The following FN1 variants were observed in gnomAD, a reference collection of about 807,000 sequenced individuals.
The protein encoded by FN1 is fibronectin 1.
FN1 carries 106 observed loss-of-function variants against 297.3 expected under a neutral mutation model. The ratio of observed to expected loss-of-function variants is 0.36; its 90% CI spans 0.30 to 0.42. FN1 has a LOEUF of 0.42. Among genes scored for constraint, FN1 ranks in the 10% least tolerant of loss-of-function variants. FN1 has a pLI of 1.00. For synonymous variants in FN1, 1,149 were observed against 1,152.6 expected, an observed-to-expected ratio of 1.00 and a Z score of 0.06; for missense variants, 2,690 against 3,124.9, an observed-to-expected ratio of 0.86 and a Z score of 3.32.
chr2:215,410,758 C>T (rs945965567), intron 13 of FN1, among the ~76,000 whole-genome samples: 38 of 152,278 alleles, frequency 2.5e-4, no homozygotes, highest in Middle Eastern at 3.4e-3. Context: ...CCACCCGCCT[C>T]GGACTCCCAA....
intron 19 of FN1, 124 bp from the exon 20 acceptor site, chr2:215,404,779 A>C: frequency 1.1e-6 from 1 of 925,860 alleles, no homozygotes; most frequent in Non-Finnish European, 1.7e-6. Context: ...TGAAAGTCAA[A>C]ACCCTGGAAA....
Position 215,397,734 on chromosome 2 carries a change from C to G in FN1, c.3463G>C (p.Val1155Leu). Residue 1155 changes from valine (V) to leucine (L), a missense_variant, in exon 22 of 46, where the codon GTC becomes CTC. Around this residue, in one of 3 missense-constraint regions of FN1, gnomAD observed 1,743 missense variants for 1,945.2 expected, o/e 0.90. Coordinates refer to ENST00000354785, the MANE Select transcript of FN1 (RefSeq NM_212482.4). ...PGVEYVYTIQ[V>L]LRDGQERDAP... ...TCTCTTTCCTGTCCATCTCTCAGGA[C>G]TTGGATGGTGTAGACGTATTCTACT... is the stretch of plus-strand genomic sequence containing the variant. 2 of 1,614,002 alleles carry G rather than the reference C, an allele frequency of 1.2e-6. No individual in the cohort carries two copies. The highest frequency in any genetic ancestry group is 1.1e-5 in the South Asian group (1 of 91,080).
intron 5 of FN1, among the ~76,000 whole-genome samples, chr2:215,429,561 ATTAC>A (rs1185198665): frequency 5.3e-5 from 8 of 152,188 alleles, no homozygotes; most frequent in African/African-American, 1.9e-4. Flanking sequence ...TGAAGGTATA[ATTAC>A]TGATTAGAGC....
chr2:215,408,496 G>A (rs866296681), intron 15 of FN1, 70 bp from the exon 16 acceptor site: 2 of 1,470,724 alleles, frequency 1.4e-6, no homozygotes, highest in Middle Eastern at 3.5e-4. Context: ...CAGCTTATAA[G>A]AAGGATATTT....
chr2:215,384,251 G>C, intron 29 of FN1, 67 bp from the exon 30 acceptor site: 1 of 1,423,058 alleles, frequency 7.0e-7, no homozygotes, highest in South Asian at 1.1e-5. Context: ...CTGATTAATT[G>C]AATTACCACA....
At chr2:215,409,170 A>C (rs964401170) in intron 15 of FN1, among the ~76,000 whole-genome samples, 1 of 152,146 alleles carries the variant, frequency 6.6e-6, no homozygotes, top group South Asian at 2.1e-4. Flanking sequence ...GATGGCACAC[A>C]CTTCAGTGCG....
At position 215,406,344 on chromosome 2, in the gene FN1, G is replaced by T. The variant is rs2061772251; in HGVS notation, c.2880C>A (p.Thr960=). The T allele has an allele frequency of 6.2e-7, 1 of 1,614,110 alleles. No homozygotes were observed. Among genetic ancestry groups the T allele is most frequent in the Admixed American group, 1.7e-5 (1 of 60,004 alleles). Residue 960 remains threonine, a synonymous_variant, in exon 19 of 46, where the codon ACC becomes ACA. Coordinates refer to ENST00000354785, the MANE Select transcript of FN1 (RefSeq NM_212482.4). The part of the protein sequence containing the change: ...HGQRLPISRN[T]FAEVTGLSPG... ...GGGACAGCCCGGTGACTTCTGCAAAGGTGTTCCTGCTGATGGGCAGCCTCT... is the reference window on the plus strand; with the variant it reads ...GGGACAGCCCGGTGACTTCTGCAAATGTGTTCCTGCTGATGGGCAGCCTCT...
In FN1 at chr2:215,393,158, G is replaced by C. The variant is rs752507546; in HGVS notation, c.3842C>G (p.Ser1281Ter). 13 of 1,613,858 alleles carry C rather than the reference G, an allele frequency of 8.1e-6. No homozygotes were observed. Among genetic ancestry groups the C allele is most frequent in the Non-Finnish European group, 1.1e-5 (13 of 1,179,996 alleles). ...CGGGGTCCACCTCAGGCCGATGCTT[G>C]AATCGGTTATATCAACAAAGCTTAG... ...TDLSFVDITD[S>*]SIGLRWTPLN... is the part of the protein sequence containing the mutation. The change falls in exon 25 of 46, where the codon TCA (serine) becomes TGA (stop). Residue 1281 changes from serine to a stop codon, truncating the protein, a stop_gained. Coordinates refer to ENST00000354785, the MANE Select transcript of FN1 (RefSeq NM_212482.4). LOFTEE classifies it high-confidence loss of function.
intron 27 of FN1, 121 bp downstream of exon 27, chr2:215,388,091 C>T: frequency 2.6e-6 from 2 of 759,434 alleles, no homozygotes; most frequent in Admixed American, 2.0e-5. Flanking sequence ...ACTGTGATGA[C>T]AAAGGTACAC....
At chr2:215,410,221 C>T (rs2062402706) in intron 13 of FN1, 107 bp from the exon 14 acceptor site, 2 of 1,115,004 alleles carry the variant, frequency 1.8e-6, no homozygotes, top group Non-Finnish European at 2.7e-6. Flanking sequence ...TTAAGCAGGA[C>T]TTAGGCAGCT....
rs762875275 is a variant in FN1, at chr2:215,384,022, G to A, written c.4892C>T (p.Thr1631Ile). Residue 1631 changes from threonine (T) to isoleucine (I), a missense_variant and splice_region_variant, in exon 30 of 46, where the codon ACA (threonine) becomes ATA (isoleucine). Transcript: ENST00000354785. The stretch of plus-strand genomic sequence containing the variant: ...CACCCCAGAGTAGAAGTTTGTACCT[G>A]TTCGGTAATTAATGGAAATTGGCTT... ...SSKPISINYR[T>I]EIDKPSQMQV... 1 of 1,613,930 alleles carries A rather than the reference G, an allele frequency of 6.2e-7. No individual in the cohort carries two copies. The highest frequency in any genetic ancestry group is 1.3e-5 in the African/African-American group (1 of 74,928).
chr2:215,368,136 TC>T, intron 41 of FN1, 109 bp from the exon 42 acceptor site: 1 of 1,188,278 alleles, frequency 8.4e-7, no homozygotes. Context: ...AAACAAGAAT[TC>T]CAGGAGGATT....
At chr2:215,430,569 G>T (rs938781516) in intron 5 of FN1, 146 bp downstream of exon 5, 2 of 824,826 alleles carry the variant, frequency 2.4e-6, no homozygotes, top group African/African-American at 1.7e-5. Context: ...GAATAAGTTG[G>T]TTATGAAAGT....
chr2:215,407,977 CACAA>C (rs2062013906), intron 17 of FN1, 127 bp downstream of exon 17: 1 of 654,742 alleles, frequency 1.5e-6, no homozygotes, highest in Non-Finnish European at 2.7e-6. Flanking sequence ...CACACACACA[CACAA>C]ACCCCTCTCC....
At chr2:215,396,109 C>T (rs781149240) in intron 23 of FN1, among the ~76,000 whole-genome samples, 21 of 152,168 alleles carry the variant, frequency 1.4e-4, no homozygotes, top group African/African-American at 4.8e-4. Context: ...CTCTGTGCCC[C>T]GGCAAAGATA....
chr2:215,382,248 C>T lies in FN1; in HGVS notation c.5128G>A (p.Gly1710Arg), dbSNP rs148358406. The change falls in exon 32 of 46, where the codon GGA becomes AGA. Residue 1710 changes from glycine to arginine, a missense_variant. Around this residue, in one of 3 missense-constraint regions of FN1, gnomAD observed 1,743 missense variants for 1,945.2 expected, o/e 0.90. Coordinates refer to ENST00000354785, the MANE Select transcript of FN1 (RefSeq NM_212482.4). ...VVSVYAQNPS[G>R]ESQPLVQTAV... ...GTCTGAACCAGAGGCTGACTCTCTC[C>T]GCTTGGATTCTGAGCATAGACACTA... 9 of 1,613,620 alleles carry T rather than the reference C, an allele frequency of 5.6e-6. No individual in the cohort carries two copies. Among genetic ancestry groups the T allele is most frequent in the East Asian group, 4.5e-5 (2 of 44,890 alleles).
intron 13 of FN1, 92 bp from the exon 14 acceptor site, chr2:215,410,206 A>T: frequency 7.3e-7 from 1 of 1,370,588 alleles, no homozygotes; most frequent in Non-Finnish European, 1.0e-6. Context: ...TCAAAGAAAA[A>T]TGACTTAAGC....
At chr2:215,372,774 T>C (rs1021321177) in intron 39 of FN1, among the ~76,000 whole-genome samples, 1 of 152,210 alleles carries the variant, frequency 6.6e-6, no homozygotes, top group African/African-American at 2.4e-5. Context: ...GTCATAAGTA[T>C]GAGAATTACA....
chr2:215,364,568 T>G, intron 44 of FN1: 1 of 448,046 alleles, frequency 2.2e-6, no homozygotes, highest in Non-Finnish European at 4.1e-6. Context: ...CTAGGGAGCT[T>G]AGGAAAATGA....
Sources: allele counts gnomAD v4.1 joint callset (sites outside exome capture counted in the v4.1 genomes callset), GRCh38; gene constraint gnomAD v4.1.1; regional missense constraint gnomAD v4.1.1; transcripts MANE v1.5; gene names NCBI Gene and HGNC (gene_info 2026-07-23, HGNC 2026-07-21).